The following USP31 variants were observed in gnomAD, a reference collection of about 807,000 sequenced individuals.
USP31 encodes ubiquitin carboxyl-terminal hydrolase 31.
Under a neutral mutation model 119.4 loss-of-function variants are expected in USP31, and 44 were observed. That is an observed-to-expected ratio of 0.37 (90% CI 0.29 to 0.47). USP31 has a LOEUF of 0.47. USP31 is among the 20% of genes least tolerant of loss of function. The probability of loss-of-function intolerance (pLI) is 0.99; values close to 1 mark genes in which losing one functional copy is unlikely to be tolerated. For missense variants in USP31, 1,643 were observed against 1,730.2 expected (o/e 0.95, Z 0.89); for synonymous variants, 749 against 705.6 (o/e 1.06, Z -0.97).
intron 11 of USP31, among the ~76,000 whole-genome samples, chr16:23,083,048 T>C (rs1405517405): frequency 1.3e-5 from 2 of 152,068 alleles, no homozygotes; most frequent in African/African-American, 4.8e-5. Context: ...CCAGGTGCTC[T>C]TGAACTCGTG....
intron 1 of USP31, among the ~76,000 whole-genome samples, chr16:23,129,366 G>T (rs1454571477): frequency 6.6e-6 from 1 of 152,116 alleles, no homozygotes; most frequent in Non-Finnish European, 1.5e-5. Flanking sequence ...ATATATGTGT[G>T]TGACAGAAAC....
At chr16:23,101,690 C>T (rs1467558333) in intron 6 of USP31, among the ~76,000 whole-genome samples, 1 of 152,042 alleles carries the variant, frequency 6.6e-6, no homozygotes, top group Non-Finnish European at 1.5e-5. Context: ...AGAAGAGGAG[C>T]CCTAAGAGGA....
rs148004599 is a variant in USP31 at position 23,131,363 on chromosome 16, TG to T, written c.633+17274del. 1.9e-3 allele frequency among the ~76,000 whole-genome samples: 294 copies of T among 152,308 alleles called. 8 individuals carry two copies. In the East Asian group the frequency reaches 0.036, roughly 19 times the overall value. On this transcript the variant is annotated intron_variant, in intron 1 of 15. Transcript: ENST00000219689. Reference sequence around the variant, plus strand: ...TTGTAGACACAGGATCTTGTTATGCTGCCCTGGCGGTCTTGAACTCCTGGGC... The same window carrying T: ...TTGTAGACACAGGATCTTGTTATGCTCCCTGGCGGTCTTGAACTCCTGGGC...
chr16:23,091,358 C>T (rs1901354130), intron 6 of USP31, among the ~76,000 whole-genome samples: 1 of 152,170 alleles, frequency 6.6e-6, no homozygotes, highest in South Asian at 2.1e-4. Flanking sequence ...ATTTGACAGG[C>T]ACAGTACTGA....
At position 23,143,212 on chromosome 16, in the gene USP31, C is replaced by T. The variant is rs117101244; in HGVS notation, c.633+5426G>A. ...ACTGCAAATCTGGAAGGAGTCCCCA[C>T]AATTCTTTTATCAATAGATCACTCT... On this transcript the variant is annotated intron_variant, in intron 1 of 15. Transcript: ENST00000219689. Among the ~76,000 whole-genome samples, 60 of 152,282 alleles carry T rather than the reference C, an allele frequency of 3.9e-4. No homozygotes were observed. In the East Asian group the frequency reaches 0.01, roughly 25 times the overall value.
intron 1 of USP31, among the ~76,000 whole-genome samples, chr16:23,145,790 A>G (rs1240217428): frequency 1.3e-5 from 2 of 152,228 alleles, no homozygotes; most frequent in Non-Finnish European, 2.9e-5. Context: ...CCAATTGCCA[A>G]TTGCAACGTT....
intron 1 of USP31, among the ~76,000 whole-genome samples, chr16:23,112,337 G>C (rs915515620): frequency 6.6e-6 from 1 of 152,102 alleles, no homozygotes; most frequent in African/African-American, 2.4e-5. Flanking sequence ...CCAGCACTTA[G>C]GGAGGCTGAG....
intron 1 of USP31, among the ~76,000 whole-genome samples, chr16:23,134,924 T>C (rs984828154): frequency 2.0e-5 from 3 of 151,350 alleles, no homozygotes; most frequent in African/African-American, 7.3e-5. Context: ...ACATATTCTA[T>C]AGAGAGCTCT....
chr16:23,072,106 G>A lies in USP31; in HGVS notation c.2427C>T (p.Arg809=). 1 of 1,613,620 alleles carries A rather than the reference G, an allele frequency of 6.2e-7. No individual in the cohort carries two copies. Among genetic ancestry groups the A allele is most frequent in the Non-Finnish European group, 8.5e-7 (1 of 1,180,016 alleles). ...ASVTSAASSR[R]TSLASLSESV... ...ACTCAGAGAGCGACGCCAGGGAGGT[G>A]CGTCTGGAGGAAGCTGCAGAGGTCA... The change falls in exon 15 of 16, where the codon CGC becomes CGT. Residue 809 remains arginine (R), a synonymous_variant. Coordinates refer to ENST00000219689, the MANE Select transcript of USP31 (RefSeq NM_020718.4).
intron 1 of USP31, among the ~76,000 whole-genome samples, chr16:23,123,601 A>C (rs1173490729): frequency 6.6e-6 from 1 of 152,188 alleles, no homozygotes; most frequent in African/African-American, 2.4e-5. Flanking sequence ...GAAAAACACT[A>C]AAGTTTCTTA....
intron 12 of USP31, 118 bp downstream of exon 12, chr16:23,082,320 C>A: frequency 7.4e-7 from 1 of 1,355,158 alleles, no homozygotes; most frequent in Non-Finnish European, 1.0e-6. Context: ...ATAACATACA[C>A]AGACAGGACT....
At chr16:23,083,020 G>A (rs951474687) in intron 11 of USP31, among the ~76,000 whole-genome samples, 1 of 151,790 alleles carries the variant, frequency 6.6e-6, no homozygotes, top group Admixed American at 6.6e-5. Context: ...TGGTAGAGAC[G>A]GGGTTTTGCC....
rs761455921 is a variant in USP31 at position 23,068,974 on chromosome 16, G to A, written c.3131C>T (p.Pro1044Leu). Residue 1044 changes from proline to leucine, a missense_variant, in exon 16 of 16, where the codon CCA becomes CTA. By Grantham distance (98) the Pro-to-Leu change is moderately conservative. Around this residue, in one of 5 missense-constraint regions of USP31, gnomAD observed 699 missense variants for 650.9 expected, o/e 1.07. Transcript: ENST00000219689. ...EPEKSLRKGR[P>L]ALASQESSLS... is the part of the protein sequence containing the mutation. ...GGATGACTCCTGGCTTGCCAAGGCT[G>A]GTCTCCCCTTCCGCAAGCTTTTCTC... 1 of 1,614,040 alleles carries A rather than the reference G, an allele frequency of 6.2e-7. No homozygotes were observed. Among genetic ancestry groups the A allele is most frequent in the Non-Finnish European group, 8.5e-7 (1 of 1,180,046 alleles).
At chr16:23,115,471 A>G (rs769503812) in intron 1 of USP31, among the ~76,000 whole-genome samples, 2 of 152,252 alleles carry the variant, frequency 1.3e-5, no homozygotes, top group Non-Finnish European at 1.5e-5. Context: ...CCTGGGCAAC[A>G]TATCGAGACC....
rs749797803 is a variant in USP31, at chr16:23,085,668, G to C, written c.1623-6C>G. On this transcript the variant is annotated splice_region_variant and splice_polypyrimidine_tract_variant and intron_variant, in intron 9 of 15. Coordinates refer to ENST00000219689, the MANE Select transcript of USP31 (RefSeq NM_020718.4). ...GTCCACAAGATTTTAATGCCCTATA[G>C]AACCAGGGAAGTGGAGAGGGAAGCC... is the stretch of plus-strand genomic sequence containing the variant. The C allele has an allele frequency of 6.2e-7, 1 of 1,611,376 alleles. No individual in the cohort carries two copies. The highest frequency in any genetic ancestry group is 8.5e-7 in the Non-Finnish European group (1 of 1,178,498).
In USP31 at chr16:23,067,819, A is replaced by C. The variant is rs545873886; in HGVS notation, c.*227T>G. 99 of 480,632 alleles carry C rather than the reference A, an allele frequency of 2.1e-4. No homozygotes were observed. The highest frequency in any genetic ancestry group is 2.0e-3 in the African/African-American group (99 of 50,422). The allele number at this position is 480,632 out of a possible 1,614,324, so 29.8% of individuals were successfully genotyped here. A position where few individuals can be genotyped will look rare whatever the true frequency, so the allele number is the denominator to read the frequency against. On this transcript the variant is annotated 3_prime_UTR_variant, in exon 16 of 16. Coordinates refer to ENST00000219689, the MANE Select transcript of USP31 (RefSeq NM_020718.4). Reference sequence around the variant, plus strand: ...CAATTATTCCAGTTAGCTTGGTGTCAATGTTTTGCCTATGGCTGTTATTTG... The same window carrying C: ...CAATTATTCCAGTTAGCTTGGTGTCCATGTTTTGCCTATGGCTGTTATTTG...
At position 23,073,796 on chromosome 16, in the gene USP31, G is replaced by C; in HGVS notation, c.2261C>G (p.Thr754Arg). 1 of 1,614,062 alleles carries C rather than the reference G, an allele frequency of 6.2e-7. No individual in the cohort carries two copies. The highest frequency in any genetic ancestry group is 2.2e-5 in the East Asian group (1 of 44,870). The change falls in exon 14 of 16, where the codon ACG becomes AGG. Residue 754 changes from threonine (T) to arginine (R), a missense_variant. Physicochemically the swap from Thr to Arg is moderately conservative, Grantham distance 71. This residue lies in a region of USP31 where 279 missense variants were observed against 372.2 expected (regional missense o/e 0.75). Transcript: ENST00000219689. ...VQQLSEDEVC[T>R]QTAYILFYQR... ...GTAGAAGAGGATGTATGCTGTCTGC[G>C]TGCAGACCTCATCTTCTGACAGCTG...
chr16:23,112,760 G>A (rs2141880492), intron 1 of USP31, among the ~76,000 whole-genome samples: 1 of 152,124 alleles, frequency 6.6e-6, no homozygotes, highest in East Asian at 1.9e-4. Context: ...CGGGTGTGGT[G>A]GCTCACACCT....
rs148981689 is a variant in USP31, at chr16:23,106,378, A to C, written c.860+21T>G. 103 of 1,613,676 alleles carry C rather than the reference A, an allele frequency of 6.4e-5. No homozygotes were observed. In the African/African-American group the frequency reaches 1.3e-3, roughly 20 times the overall value. Reference sequence around the variant, plus strand: ...GATGTCAGGTAAACAAAATAAGTGGAAACATCCGATTTTCTCATACCTGTA... The same window carrying C: ...GATGTCAGGTAAACAAAATAAGTGGCAACATCCGATTTTCTCATACCTGTA... On this transcript the variant is annotated intron_variant, in intron 3 of 15. Coordinates refer to ENST00000219689, the MANE Select transcript of USP31 (RefSeq NM_020718.4).
Sources: allele counts gnomAD v4.1 joint callset (sites outside exome capture counted in the v4.1 genomes callset), GRCh38; gene constraint gnomAD v4.1.1; regional missense constraint gnomAD v4.1.1; transcripts MANE v1.5; gene names NCBI Gene and HGNC (gene_info 2026-07-23, HGNC 2026-07-21).